Variants in GPC6 observed in about 807,000 individuals in gnomAD.
GPC6 encodes the protein glypican-6.
A neutral mutation model predicts 55.2 loss-of-function variants in GPC6; 14 were observed. That is an observed-to-expected ratio of 0.25 (90% CI 0.17 to 0.40). The LOEUF (loss-of-function observed/expected upper bound fraction) is 0.40. GPC6 is among the 10% of genes least tolerant of loss of function. The pLI is 1.00. For synonymous variants in GPC6, 278 were observed against 259.6 expected (o/e 1.07, Z -0.68); for missense variants, 641 against 708.5 (o/e 0.90, Z 1.08).
intron 4 of GPC6, among the ~76,000 whole-genome samples, chr13:94,060,088 A>G (rs918562022): frequency 4.6e-5 from 7 of 152,068 alleles, no homozygotes; most frequent in Non-Finnish European, 1.5e-5. Flanking sequence ...CAGCCTACTA[A>G]TGATAATTTT....
chr13:93,495,630 C>T (rs1436540045), intron 1 of GPC6, among the ~76,000 whole-genome samples: 1 of 101,180 alleles, frequency 9.9e-6, no homozygotes, highest in Non-Finnish European at 2.0e-5. Flanking sequence ...TTTTTCTGTT[C>T]TGTTTTTTCC....
At chr13:94,186,232 A>G (rs1182641823) in intron 4 of GPC6, among the ~76,000 whole-genome samples, 1 of 152,152 alleles carries the variant, frequency 6.6e-6, no homozygotes, top group Non-Finnish European at 1.5e-5. Flanking sequence ...ATGAGGTCAT[A>G]TTATTGGAAT....
intron 4 of GPC6, among the ~76,000 whole-genome samples, chr13:94,238,790 G>C (rs996093613): frequency 4.0e-4 from 61 of 152,016 alleles, no homozygotes; most frequent in Non-Finnish European, 3.8e-4. Flanking sequence ...GGTTGAGAAA[G>C]GATTAGACTA....
At chr13:93,752,356 G>A (rs376093698) in intron 2 of GPC6, among the ~76,000 whole-genome samples, 3 of 151,728 alleles carry the variant, frequency 2.0e-5, no homozygotes, top group Non-Finnish European at 4.4e-5. Flanking sequence ...TGTAAGTCAA[G>A]GCTGAGATGT....
chr13:93,475,498 A>G (rs1469112865), intron 1 of GPC6, among the ~76,000 whole-genome samples: 1 of 152,168 alleles, frequency 6.6e-6, no homozygotes, highest in Non-Finnish European at 1.5e-5. Flanking sequence ...AACTTTCTAT[A>G]TCTGAAACTG....
At chr13:93,549,359 C>T (rs1874999883) in intron 2 of GPC6, among the ~76,000 whole-genome samples, 1 of 152,120 alleles carries the variant, frequency 6.6e-6, no homozygotes, top group African/African-American at 2.4e-5. Context: ...GTGTCTAAGT[C>T]CTCTTTTGCT....
intron 3 of GPC6, among the ~76,000 whole-genome samples, chr13:93,924,152 A>G (rs1327255515): frequency 1.3e-5 from 2 of 152,178 alleles, no homozygotes; most frequent in Non-Finnish European, 2.9e-5. Flanking sequence ...GGTTCTTTGG[A>G]TGTTAATTAT....
chr13:93,319,749 T>C (rs1396722066), intron 1 of GPC6, among the ~76,000 whole-genome samples: 2 of 151,646 alleles, frequency 1.3e-5, no homozygotes, highest in Non-Finnish European at 2.9e-5. Flanking sequence ...TAATGAAAAA[T>C]GGGTAGAAAC....
chr13:93,425,028 A>G (rs1742819570), intron 1 of GPC6, among the ~76,000 whole-genome samples: 1 of 152,164 alleles, frequency 6.6e-6, no homozygotes, highest in African/African-American at 2.4e-5. Flanking sequence ...TGTCACTTTC[A>G]GGGCTGGGAC....
intron 2 of GPC6, among the ~76,000 whole-genome samples, chr13:93,587,991 G>A (rs1417690537): frequency 6.6e-6 from 1 of 152,140 alleles, no homozygotes; most frequent in Non-Finnish European, 1.5e-5. Flanking sequence ...ACTTCTTTTA[G>A]CCTCCCTCCC....
upstream of GPC6, among the ~76,000 whole-genome samples, chr13:93,225,168 G>T (rs1027267988): frequency 2.0e-5 from 3 of 152,184 alleles, no homozygotes; most frequent in Non-Finnish European, 4.4e-5. Flanking sequence ...GGTAGGACAG[G>T]AAGTGTGTGT....
chr13:93,914,215 C>T (rs1042727114), intron 3 of GPC6, among the ~76,000 whole-genome samples: 11 of 152,096 alleles, frequency 7.2e-5, no homozygotes, highest in Non-Finnish European at 1.0e-4. Context: ...ATCCCTCCCC[C>T]CTCTCCCCAC....
At chr13:93,524,304 G>A (rs1318869) in intron 1 of GPC6, among the ~76,000 whole-genome samples, 23 of 151,938 alleles carry the variant, frequency 1.5e-4, no homozygotes, top group Non-Finnish European at 2.9e-4. Flanking sequence ...AGACAAACAG[G>A]AGTATGCTTC....
chr13:94,160,055 G>C (rs1174969970), intron 4 of GPC6, among the ~76,000 whole-genome samples: 1 of 152,104 alleles, frequency 6.6e-6, no homozygotes, highest in Non-Finnish European at 1.5e-5. Flanking sequence ...GTTTTCTGCA[G>C]TTTCAGTTTC....
rs375936305 is a variant in GPC6, at chr13:93,527,708, T to C, written c.161-17555T>C. Among the ~76,000 whole-genome samples the C allele has an allele frequency of 6.2e-4, 95 of 152,240 alleles. 1 individual carries two copies. The highest frequency in any genetic ancestry group is 2.2e-3 in the African/African-American group (90 of 41,560). On this transcript the variant is annotated intron_variant, in intron 1 of 8. Coordinates refer to ENST00000377047, the MANE Select transcript of GPC6 (RefSeq NM_005708.5). The stretch of plus-strand genomic sequence containing the variant: ...GCCAGGGGAAAAGGGCTGTCTCCTT[T>C]TTGTTGGCCTCGCATCCCCCATCTG...
intron 4 of GPC6, among the ~76,000 whole-genome samples, chr13:94,029,279 C>T (rs1251154144): frequency 2.0e-5 from 3 of 152,154 alleles, no homozygotes; most frequent in African/African-American, 4.8e-5. Flanking sequence ...TTACCTCTCC[C>T]CACAGTGGGA....
intron 3 of GPC6, among the ~76,000 whole-genome samples, chr13:93,838,558 T>C (rs942472777): frequency 6.6e-6 from 1 of 152,220 alleles, no homozygotes; most frequent in African/African-American, 2.4e-5. Flanking sequence ...TCACGTGAGC[T>C]GTGGACCACC....
intron 8 of GPC6, among the ~76,000 whole-genome samples, chr13:94,400,901 G>A (rs138694876): frequency 1.3e-5 from 2 of 152,148 alleles, no homozygotes; most frequent in Non-Finnish European, 2.9e-5. Flanking sequence ...TCATTTTTAC[G>A]GGTGAGGAAA....
At chr13:93,784,383 A>G (rs1885757827) in intron 2 of GPC6, among the ~76,000 whole-genome samples, 1 of 152,268 alleles carries the variant, frequency 6.6e-6, no homozygotes, top group African/African-American at 2.4e-5. Context: ...ACAATTCTAC[A>G]GTACTAGGGC....
Sources: allele counts gnomAD v4.1 joint callset (sites outside exome capture counted in the v4.1 genomes callset), GRCh38; gene constraint gnomAD v4.1.1; transcripts MANE v1.5; gene names NCBI Gene and HGNC (gene_info 2026-07-23, HGNC 2026-07-21).